SLC35D2: variants seen among roughly 807,000 people sequenced by gnomAD.
SLC35D2 encodes solute carrier family 35 member D2, also known as nucleotide sugar transporter SLC35D2.
A neutral mutation model predicts 41.8 loss-of-function variants in SLC35D2; 43 were observed. That is an observed-to-expected ratio of 1.03 (90% confidence interval 0.81 to 1.33). The LOEUF is 1.33. Among genes scored for constraint, SLC35D2 ranks in the 40% most tolerant of loss-of-function variants. SLC35D2 has a pLI of 0.00. For missense variants in SLC35D2, 380 were observed against 408.4 expected, an observed-to-expected ratio of 0.93 and a Z score of 0.60; for synonymous variants, 150 against 163.9, an observed-to-expected ratio of 0.92 and a Z score of 0.65.
At chr9:96,336,858 T>C (rs1829073532) in intron 8 of SLC35D2, 74 bp from the exon 9 acceptor site, 2 of 856,460 alleles carry the variant, frequency 2.3e-6, no homozygotes, top group Admixed American at 2.3e-5. Context: ...TTTACCAAAC[T>C]GCATTTTGAT....
intron 3 of SLC35D2, among the ~76,000 whole-genome samples, chr9:96,361,233 T>C (rs899625235): frequency 6.6e-6 from 1 of 152,202 alleles, no homozygotes; most frequent in African/African-American, 2.4e-5. Flanking sequence ...CTCACTCATA[T>C]GCACTGTTAT....
chr9:96,315,702 G>A (rs1338619094), intron 11 of SLC35D2, among the ~76,000 whole-genome samples: 2 of 151,976 alleles, frequency 1.3e-5, no homozygotes, highest in Admixed American at 6.6e-5. Flanking sequence ...CAAAGTGCTG[G>A]GATTACAGGT....
intron 9 of SLC35D2, among the ~76,000 whole-genome samples, chr9:96,333,161 T>G (rs1828886779): frequency 6.6e-6 from 1 of 151,704 alleles, no homozygotes; most frequent in Non-Finnish European, 1.5e-5. Context: ...CCTCCCAAAG[T>G]GCTGGGATTA....
intron 9 of SLC35D2, among the ~76,000 whole-genome samples, chr9:96,333,169 T>C (rs973170590): frequency 2.4e-4 from 36 of 151,522 alleles, no homozygotes; most frequent in Non-Finnish European, 4.9e-4. Flanking sequence ...AGTGCTGGGA[T>C]TACAGGCATG....
At chr9:96,350,620 T>A (rs1485573354) in intron 6 of SLC35D2, 1 of 152,912 alleles carries the variant, frequency 6.5e-6, no homozygotes, top group Non-Finnish European at 1.5e-5. Flanking sequence ...TGCAAAATAA[T>A]TATTAAAGTA....
chr9:96,364,058 G>A (rs957416924), intron 3 of SLC35D2, among the ~76,000 whole-genome samples: 1 of 152,218 alleles, frequency 6.6e-6, no homozygotes, highest in African/African-American at 2.4e-5. Context: ...GCTCACACCT[G>A]TAATCCGAGC....
chr9:96,347,956 T>C (rs1240511487), intron 6 of SLC35D2, among the ~76,000 whole-genome samples: 2 of 152,208 alleles, frequency 1.3e-5, no homozygotes, highest in African/African-American at 2.4e-5. Context: ...AGGGGAGACA[T>C]GAATAATCCA....
intron 1 of SLC35D2, among the ~76,000 whole-genome samples, chr9:96,369,255 T>C (rs1587716420): frequency 6.6e-6 from 1 of 152,256 alleles, no homozygotes; most frequent in South Asian, 2.1e-4. Flanking sequence ...GAAAGGCATC[T>C]GTATAAAAAA....
At chr9:96,315,591 G>A (rs1010838775) in intron 11 of SLC35D2, among the ~76,000 whole-genome samples, 4 of 151,952 alleles carry the variant, frequency 2.6e-5, no homozygotes, top group African/African-American at 7.3e-5. Context: ...CTGCCACCAC[G>A]CCCAGCTAAT....
At chr9:96,345,569 CA>C (rs1829537169) in intron 6 of SLC35D2, among the ~76,000 whole-genome samples, 168 bp from the exon 7 acceptor site, 1 of 152,192 alleles carries the variant, frequency 6.6e-6, no homozygotes, top group Non-Finnish European at 1.5e-5. Flanking sequence ...AGACAAAAAC[CA>C]AACCAGCCCA....
At chr9:96,376,345 G>T (rs1212311680) in intron 1 of SLC35D2, among the ~76,000 whole-genome samples, 2 of 148,974 alleles carry the variant, frequency 1.3e-5, no homozygotes, top group South Asian at 2.1e-4. Context: ...AGTGGCTCAC[G>T]CCTGTAATCT....
At chr9:96,329,178 TAC>T (rs1424724172) in intron 9 of SLC35D2, among the ~76,000 whole-genome samples, 3 of 151,744 alleles carry the variant, frequency 2.0e-5, no homozygotes, top group Admixed American at 6.6e-5. Context: ...TTTACATATA[TAC>T]ACACACACAT....
At chr9:96,313,626 C>A (rs1827983247) in exon 12 of SLC35D2, among the ~76,000 whole-genome samples, 1 of 152,312 alleles carries the variant, frequency 6.6e-6, no homozygotes, top group South Asian at 2.1e-4. Flanking sequence ...CTAATGTAAC[C>A]CAAGGTCCCC....
chr9:96,354,470 C>G (rs1829936943), intron 4 of SLC35D2, among the ~76,000 whole-genome samples: 2 of 151,938 alleles, frequency 1.3e-5, no homozygotes, highest in South Asian at 4.2e-4. Context: ...AATGAGCAAT[C>G]CAAAAATGAA....
intron 11 of SLC35D2, among the ~76,000 whole-genome samples, chr9:96,321,693 G>A (rs972644255): frequency 2.6e-5 from 4 of 152,126 alleles, no homozygotes; most frequent in African/African-American, 9.7e-5. Flanking sequence ...CGAGCCTAGT[G>A]GGCACAAAGG....
chr9:96,366,517 ATTTTTTTTTTT>A (rs34820429), intron 2 of SLC35D2, among the ~76,000 whole-genome samples: 2 of 103,588 alleles, frequency 1.9e-5, no homozygotes, highest in South Asian at 7.1e-4. Context: ...CTTATCACTG[ATTTTTTTTTTT>A]TTTTTTTTTT....
In SLC35D2 at chr9:96,361,107, C is replaced by T. The variant is rs150943774; in HGVS notation, c.280-886G>A. 5.6e-3 allele frequency among the ~76,000 whole-genome samples: 848 copies of T among 152,226 alleles called. 3 individuals carry two copies. Among genetic ancestry groups the T allele is most frequent in the Admixed American group, 7.7e-3 (117 of 15,270 alleles). On this transcript the variant is annotated intron_variant, in intron 3 of 11. Coordinates refer to ENST00000253270, the MANE Select transcript of SLC35D2 (RefSeq NM_007001.3). ...ATGAAGCAACAGGGACTTTCAGGCA[C>T]GTTTGTCAGAAGGTGAATTGGTATA...
chr9:96,377,363 T>C (rs1471468517), intron 1 of SLC35D2, among the ~76,000 whole-genome samples: 1 of 152,196 alleles, frequency 6.6e-6, no homozygotes, highest in Non-Finnish European at 1.5e-5. Flanking sequence ...TATCTCTAGC[T>C]TCTGAGACCA....
At chr9:96,328,925 T>C (rs1828675268) in intron 9 of SLC35D2, among the ~76,000 whole-genome samples, 1 of 151,930 alleles carries the variant, frequency 6.6e-6, no homozygotes, top group Non-Finnish European at 1.5e-5. Context: ...CCGTCTCTAC[T>C]AAAAATACAA....
Sources: allele counts gnomAD v4.1 joint callset (sites outside exome capture counted in the v4.1 genomes callset), GRCh38; gene constraint gnomAD v4.1.1; transcripts MANE v1.5; gene names NCBI Gene and HGNC (gene_info 2026-07-23, HGNC 2026-07-21).